The following SESN3 variants were observed in gnomAD, a reference collection of about 807,000 sequenced individuals.
The protein encoded by SESN3 is sestrin 3.
A neutral mutation model predicts 55.3 loss-of-function variants in SESN3; 21 were observed. The observed-to-expected ratio is 0.38, with a 90% CI of 0.27 to 0.55. The LOEUF (loss-of-function observed/expected upper bound fraction) is 0.55, where lower values mean the gene tolerates loss of function less well. Among genes scored for constraint, SESN3 ranks in the 20% least tolerant of loss-of-function variants. The pLI is 0.76. For missense variants in SESN3, 408 were observed against 604.3 expected (o/e 0.68, Z 3.41); for synonymous variants, 181 against 203.1 (o/e 0.89, Z 0.93).
In SESN3 at chr11:95,208,865, A is replaced by C. The variant is rs192950983; in HGVS notation, c.79-15343T>G. Among the ~76,000 whole-genome samples, 447 of 151,688 alleles carry C rather than the reference A, an allele frequency of 2.9e-3. 10 individuals are homozygous for C. The highest frequency in any genetic ancestry group is 1.0e-2 in the African/African-American group (413 of 41,396). On this transcript the variant is annotated intron_variant, in intron 1 of 9. Coordinates refer to ENST00000536441, the MANE Select transcript of SESN3 (RefSeq NM_144665.4). ...ATGGCGTTGGGAAAACTGGCTAGCC[A>C]TATGCAGAAAACTGAAACTGGACCC...
chr11:95,210,069 G>C (rs1414798622), intron 1 of SESN3, among the ~76,000 whole-genome samples: 7 of 150,670 alleles, frequency 4.6e-5, no homozygotes. Flanking sequence ...CCTTTGCAGG[G>C]ACATGGATGA....
At chr11:95,214,438 A>G (rs896613034) in intron 1 of SESN3, among the ~76,000 whole-genome samples, 2 of 152,210 alleles carry the variant, frequency 1.3e-5, no homozygotes, top group African/African-American at 4.8e-5. Flanking sequence ...TAACTGAAAC[A>G]ATCTTTGCTT....
intron 6 of SESN3, chr11:95,184,214 A>C (rs1434800003): frequency 1.7e-6 from 1 of 597,276 alleles, no homozygotes; most frequent in Non-Finnish European, 3.0e-6. Flanking sequence ...TACAAAGCTG[A>C]AAGTTTCTCT....
intron 5 of SESN3, 96 bp from the exon 6 acceptor site, chr11:95,184,690 A>AAC (rs1387777598): frequency 8.9e-7 from 1 of 1,119,714 alleles, no homozygotes; most frequent in Non-Finnish European, 1.3e-6. Context: ...TGTACAGCGG[A>AAC]ACAGGCACAG....
intron 1 of SESN3, among the ~76,000 whole-genome samples, chr11:95,206,365 T>TACACACACACACACACAC (rs3032056): frequency 7.1e-6 from 1 of 140,376 alleles, no homozygotes; most frequent in Non-Finnish European, 1.6e-5. Context: ...AGTCCTAAAA[T>TACACACACACACACACAC]ACACACACAC....
At chr11:95,232,027 A>T (rs1224787116), upstream of SESN3, 1 of 152,234 alleles carries the variant, frequency 6.6e-6, no homozygotes, top group Non-Finnish European at 1.5e-5. Context: ...AAAAGGCCAA[A>T]GGGGCTTGTT....
At position 95,177,707 on chromosome 11, in the gene SESN3, C is replaced by A. The variant is rs765736032; in HGVS notation, c.1247+12G>T. The A allele has an allele frequency of 6.3e-7, 1 of 1,586,516 alleles. No homozygotes were observed. Among genetic ancestry groups the A allele is most frequent in the African/African-American group, 1.4e-5 (1 of 72,922 alleles). ...TTAGAAATGTAAAAAACTGTCTCTA[C>A]AATGAACATACCTGATTCCAAACAT... On this transcript the variant is annotated intron_variant, in intron 8 of 9. Transcript: ENST00000536441.
At chr11:95,228,794 T>C (rs560985261) in intron 1 of SESN3, among the ~76,000 whole-genome samples, 2 of 152,314 alleles carry the variant, frequency 1.3e-5, no homozygotes, top group South Asian at 4.1e-4. Flanking sequence ...TGCTCAGCAA[T>C]TATAAAATAC....
chr11:95,197,806 A>AC (rs1163571363), intron 1 of SESN3, among the ~76,000 whole-genome samples: 4 of 152,124 alleles, frequency 2.6e-5, no homozygotes, highest in African/African-American at 9.7e-5. Context: ...AAATAAGGGC[A>AC]CAGGATACGA....
rs574299039 is a variant in SESN3 at position 95,199,672 on chromosome 11, A to G, written c.79-6150T>C. Among the ~76,000 whole-genome samples, 102 of 152,232 alleles carry G rather than the reference A, an allele frequency of 6.7e-4. 3 individuals carry two copies. The South Asian group carries it at 0.02, about 30-fold the overall frequency. Reference sequence around the variant, plus strand: ...AAAATTAATTGCAGCACTTTAAGCTATTAAATGCTTTAAAATAAATTATTA... The same window carrying G: ...AAAATTAATTGCAGCACTTTAAGCTGTTAAATGCTTTAAAATAAATTATTA... On this transcript the variant is annotated intron_variant, in intron 1 of 9. Coordinates refer to ENST00000536441, the MANE Select transcript of SESN3 (RefSeq NM_144665.4).
At chr11:95,193,377 A>G (rs1860303025) in intron 2 of SESN3, 80 bp downstream of exon 2, 1 of 822,104 alleles carries the variant, frequency 1.2e-6, no homozygotes, top group Non-Finnish European at 2.0e-6. Flanking sequence ...TCCTACTTTC[A>G]TATTAACAGG....
At chr11:95,187,668 T>C (rs1210923148) in intron 4 of SESN3, among the ~76,000 whole-genome samples, 3 of 152,018 alleles carry the variant, frequency 2.0e-5, no homozygotes, top group South Asian at 4.1e-4. Flanking sequence ...ATTGCTGTAT[T>C]CCATCCACAA....
chr11:95,230,871 G>A lies in SESN3; in HGVS notation c.-11C>T. The A allele has an allele frequency of 6.4e-7, 1 of 1,566,098 alleles. No homozygotes were observed. The highest frequency in any genetic ancestry group is 8.6e-7 in the Non-Finnish European group (1 of 1,163,208). ...GCCGCCCCGGTTCATCGTGGCTGCGGGCGCCGAGGCGAGAGCGGGCGGAGG... is the reference window on the plus strand; with the variant it reads ...GCCGCCCCGGTTCATCGTGGCTGCGAGCGCCGAGGCGAGAGCGGGCGGAGG... On this transcript the variant is annotated 5_prime_UTR_variant, in exon 1 of 10. Transcript: ENST00000536441. The surrounding 1 kb of genome is among the most constrained non-coding windows in gnomAD (Gnocchi z 4.6).
intron 1 of SESN3, among the ~76,000 whole-genome samples, chr11:95,215,637 G>A (rs1226242264): frequency 6.6e-6 from 1 of 152,050 alleles, no homozygotes; most frequent in Non-Finnish European, 1.5e-5. Flanking sequence ...AACTGACCTT[G>A]ACAAACAAAT....
intron 2 of SESN3, among the ~76,000 whole-genome samples, chr11:95,191,826 C>T (rs1178661679): frequency 2.0e-5 from 3 of 152,040 alleles, no homozygotes; most frequent in Non-Finnish European, 4.4e-5. Flanking sequence ...AATTATCAAA[C>T]ATTATACACA....
At chr11:95,219,652 A>T (rs1860822721) in intron 1 of SESN3, among the ~76,000 whole-genome samples, 1 of 152,182 alleles carries the variant, frequency 6.6e-6, no homozygotes, top group African/African-American at 2.4e-5. Context: ...CTCTTTCTTC[A>T]TTCAACTCCT....
At chr11:95,176,580 G>C (rs1859960332) in intron 8 of SESN3, among the ~76,000 whole-genome samples, 1 of 152,174 alleles carries the variant, frequency 6.6e-6, no homozygotes, top group African/African-American at 2.4e-5. Context: ...ATGTAGACAG[G>C]TAGGTAAATG....
At position 95,167,545 on chromosome 11, in the gene SESN3, C is replaced by T. The variant is rs551666241; in HGVS notation, c.*5710G>A. 1.1e-3 allele frequency: 172 copies of T among 151,384 alleles called. No individual in the cohort carries two copies. Among genetic ancestry groups the T allele is most frequent in the African/African-American group, 3.4e-3 (142 of 41,292 alleles). 9.4% of individuals were successfully genotyped at this position (151,384 alleles called of 1,614,324 possible). On this transcript the variant is annotated 3_prime_UTR_variant, in exon 10 of 10. Coordinates refer to ENST00000536441, the MANE Select transcript of SESN3 (RefSeq NM_144665.4). Reference sequence around the variant, plus strand: ...AATTAGGTTAAAGCTAAAATGAACACTTCATGGCATATAATTTAATACAAA... The same window carrying T: ...AATTAGGTTAAAGCTAAAATGAACATTTCATGGCATATAATTTAATACAAA...
At chr11:95,182,827 C>T (rs1035391311) in intron 6 of SESN3, among the ~76,000 whole-genome samples, 3 of 152,146 alleles carry the variant, frequency 2.0e-5, no homozygotes, top group Admixed American at 2.0e-4. Context: ...TTCTTGGACC[C>T]AGCATCCTGT....
Sources: allele counts gnomAD v4.1 joint callset (sites outside exome capture counted in the v4.1 genomes callset), GRCh38; gene constraint gnomAD v4.1.1; non-coding constraint Gnocchi (gnomAD v3.1); transcripts MANE v1.5; gene names NCBI Gene and HGNC (gene_info 2026-07-23, HGNC 2026-07-21).